Variants in NREP observed in about 807,000 individuals in gnomAD.
NREP encodes the protein neuronal regeneration-related protein.
Under a neutral mutation model 8.6 loss-of-function variants are expected in NREP, and 5 were observed. The ratio of observed to expected loss-of-function variants is 0.58; its 90% CI spans 0.30 to 1.22. The LOEUF is 1.22. Ranked by LOEUF, NREP falls within the 50% of genes most tolerant of loss-of-function variation. The probability of loss-of-function intolerance (pLI) is 0.07; values close to 1 mark genes in which losing one functional copy is unlikely to be tolerated. For missense variants in NREP, 86 were observed against 82.5 expected, an observed-to-expected ratio of 1.04 and a Z score of -0.17; for synonymous variants, 27 against 28.0, an observed-to-expected ratio of 0.96 and a Z score of 0.11.
At chr5:111,757,654 T>A, upstream of NREP, 2 of 982,558 alleles carry the variant, frequency 2.0e-6, no homozygotes, top group African/African-American at 3.5e-5. Context: ...GGCGCCCCGC[T>A]CGCCGCGCCG....
chr5:111,854,952 G>A (rs182718727), intron 2 of NREP, among the ~76,000 whole-genome samples: 2 of 152,110 alleles, frequency 1.3e-5, no homozygotes, highest in Non-Finnish European at 2.9e-5. Flanking sequence ...CTATTCCATA[G>A]TATGAATAAA....
intron 2 of NREP, among the ~76,000 whole-genome samples, chr5:111,848,536 T>C (rs1753233703): frequency 6.6e-6 from 1 of 152,130 alleles, no homozygotes; most frequent in African/African-American, 2.4e-5. Flanking sequence ...TAGACAAGTA[T>C]ACTACAGTGC....
At chr5:111,784,058 G>C (rs968077272) in intron 2 of NREP, among the ~76,000 whole-genome samples, 1 of 152,186 alleles carries the variant, frequency 6.6e-6, no homozygotes, top group African/African-American at 2.4e-5. Context: ...ATGTGGGGTA[G>C]AGGGGGTGGA....
intron 2 of NREP, among the ~76,000 whole-genome samples, chr5:111,845,277 C>T (rs1581160996): frequency 6.8e-6 from 1 of 148,102 alleles, no homozygotes; most frequent in South Asian, 2.1e-4. Context: ...CTCAATGCAT[C>T]TTTTTTTTTT....
chr5:111,919,989 C>A (rs1360163931), intron 2 of NREP, among the ~76,000 whole-genome samples: 1 of 134,398 alleles, frequency 7.4e-6, no homozygotes, highest in Non-Finnish European at 1.6e-5. Context: ...CCCCCCCACA[C>A]ACACAAAGAA....
intron 2 of NREP, among the ~76,000 whole-genome samples, chr5:111,849,221 G>A (rs1377707379): frequency 1.3e-5 from 2 of 152,084 alleles, no homozygotes; most frequent in African/African-American, 2.4e-5. Context: ...CCTGTAGGAC[G>A]ATAGGAGGAA....
chr5:111,751,272 T>A (rs1202776400), intron 2 of NREP, among the ~76,000 whole-genome samples: 1 of 152,166 alleles, frequency 6.6e-6, no homozygotes, highest in African/African-American at 2.4e-5. Flanking sequence ...TACCATGGTA[T>A]TACTACTAAT....
intron 2 of NREP, among the ~76,000 whole-genome samples, chr5:111,878,487 G>T (rs1753965930): frequency 6.6e-6 from 1 of 152,186 alleles, no homozygotes; most frequent in African/African-American, 2.4e-5. Context: ...CTGCATCCAT[G>T]ATTCAATCAC....
At chr5:111,797,101 A>ATAGATAGG (rs1751890438) in intron 2 of NREP, among the ~76,000 whole-genome samples, 1 of 151,446 alleles carries the variant, frequency 6.6e-6, no homozygotes, top group Admixed American at 6.6e-5. Flanking sequence ...AGATAGATAG[A>ATAGATAGG]TAGATAGATA....
chr5:111,936,838 C>A (rs552136878), intron 2 of NREP, among the ~76,000 whole-genome samples: 10 of 152,106 alleles, frequency 6.6e-5, no homozygotes, highest in Non-Finnish European at 1.3e-4. Flanking sequence ...TGCCTACTTT[C>A]TGAGTGGGCA....
intron 2 of NREP, among the ~76,000 whole-genome samples, chr5:111,878,640 T>C (rs1466728504): frequency 6.6e-6 from 1 of 152,178 alleles, no homozygotes; most frequent in Non-Finnish European, 1.5e-5. Flanking sequence ...ATGAATTTGT[T>C]TGCCGTTGTC....
intron 2 of NREP, among the ~76,000 whole-genome samples, chr5:111,844,111 A>T (rs1405756584): frequency 1.3e-5 from 2 of 152,230 alleles, no homozygotes; most frequent in Non-Finnish European, 2.9e-5. Flanking sequence ...TTCAGTATAC[A>T]GATTTACATA....
At chr5:111,740,068 TG>T (rs1235499608) in intron 2 of NREP, among the ~76,000 whole-genome samples, 3 of 152,060 alleles carry the variant, frequency 2.0e-5, no homozygotes, top group Non-Finnish European at 4.4e-5. Flanking sequence ...TTGGAGAATA[TG>T]CAACAGTTTT....
At chr5:111,766,707 C>T (rs1265797194) in intron 2 of NREP, among the ~76,000 whole-genome samples, 2 of 152,204 alleles carry the variant, frequency 1.3e-5, no homozygotes, top group African/African-American at 2.4e-5. Flanking sequence ...GTTGCTTCCT[C>T]CCTACAACCT....
upstream of NREP, chr5:111,757,544 A>G: frequency 2.0e-6 from 2 of 984,806 alleles, no homozygotes; most frequent in African/African-American, 1.7e-5. Context: ...GCAGCCGCCT[A>G]GGAGCCAGAC....
At position 111,857,129 on chromosome 5, in the gene NREP, A is replaced by C. The variant is rs148802940; in HGVS notation, c.135+118145T>G. On this transcript the variant is annotated intron_variant, in intron 2 of 3. Coordinates refer to the NREP transcript ENST00000395634. ...CCAAAGTGCTTGTGCTTGATTTACAAATGGAAGCTAGCCTGCAGGTTTCCC... is the reference window on the plus strand; with the variant it reads ...CCAAAGTGCTTGTGCTTGATTTACACATGGAAGCTAGCCTGCAGGTTTCCC... Among the ~76,000 whole-genome samples, 330 of 152,282 alleles carry C rather than the reference A, an allele frequency of 2.2e-3. 3 individuals carry two copies. Among genetic ancestry groups the C allele is most frequent in the African/African-American group, 7.4e-3 (306 of 41,570 alleles).
At chr5:111,735,050 C>T in intron 3 of NREP, 1 of 335,718 alleles carries the variant, frequency 3.0e-6, no homozygotes, top group Admixed American at 4.5e-5. Flanking sequence ...CATGGATAAT[C>T]TTATCAGACC....
intron 2 of NREP, among the ~76,000 whole-genome samples, chr5:111,939,561 G>A (rs1755774099): frequency 6.6e-6 from 1 of 151,872 alleles, no homozygotes. Context: ...GCACAGTGTG[G>A]CAAAAAAAAA....
chr5:111,775,308 A>C (rs1487249694), intron 2 of NREP, among the ~76,000 whole-genome samples: 2 of 151,022 alleles, frequency 1.3e-5, no homozygotes, highest in East Asian at 3.9e-4. Context: ...AAAATGACCA[A>C]ATCTTTAGGG....
Sources: gnomAD v4.1 joint callset for allele counts (sites outside exome capture counted in the v4.1 genomes callset) on GRCh38, gnomAD v4.1.1 for gene constraint, MANE v1.5 for transcripts, NCBI Gene and HGNC (gene_info 2026-07-23, HGNC 2026-07-21) for gene names.